The following PREX2 variants were observed in gnomAD, a reference collection of about 807,000 sequenced individuals.
PREX2 encodes the protein phosphatidylinositol 3,4,5-trisphosphate-dependent Rac exchanger 2 protein.
A neutral mutation model predicts 203.2 loss-of-function variants in PREX2; 107 were observed. That is an observed-to-expected ratio of 0.53 (90% confidence interval 0.45 to 0.62). The LOEUF is 0.62. PREX2 is among the 20% of genes least tolerant of loss of function. PREX2 has a pLI of 0.00. For synonymous variants in PREX2, 672 were observed against 663.6 expected, an observed-to-expected ratio of 1.01 and a Z score of -0.19; for missense variants, 1,777 against 1,955.9, an observed-to-expected ratio of 0.91 and a Z score of 1.72.
chr8:67,989,078 C>T (rs1435562829), intron 1 of PREX2, among the ~76,000 whole-genome samples: 1 of 151,868 alleles, frequency 6.6e-6, no homozygotes, highest in African/African-American at 2.4e-5. Context: ...GCTCTGGAGC[C>T]ATCTGAGTAT....
chr8:68,096,626 AT>A (rs1347248238), intron 21 of PREX2, among the ~76,000 whole-genome samples: 2 of 151,990 alleles, frequency 1.3e-5, no homozygotes, highest in African/African-American at 2.4e-5. Flanking sequence ...TTCTTTATGG[AT>A]TTTTTTCCTG....
chr8:68,167,806 G>C (rs1042374660), intron 35 of PREX2, among the ~76,000 whole-genome samples: 1 of 152,098 alleles, frequency 6.6e-6, no homozygotes, highest in African/African-American at 2.4e-5. Flanking sequence ...TAAAAGCTGA[G>C]CACTAGAATT....
intron 35 of PREX2, among the ~76,000 whole-genome samples, chr8:68,173,207 T>A (rs943813047): frequency 2.0e-5 from 3 of 152,196 alleles, no homozygotes; most frequent in Non-Finnish European, 2.9e-5. Context: ...TCTGTGGTAT[T>A]ATCATTTTAT....
intron 33 of PREX2, among the ~76,000 whole-genome samples, chr8:68,138,865 A>G (rs1447325952): frequency 6.6e-6 from 1 of 152,112 alleles, no homozygotes; most frequent in Non-Finnish European, 1.5e-5. Flanking sequence ...TTTCAAAAGT[A>G]TGAGTATCGT....
intron 14 of PREX2, among the ~76,000 whole-genome samples, chr8:68,076,614 A>G (rs1434764279): frequency 2.0e-5 from 3 of 151,578 alleles, no homozygotes; most frequent in East Asian, 3.9e-4. Flanking sequence ...GTGCTAAAAG[A>G]TAGGACTGGG....
chr8:68,120,335 G>A (rs374053636), intron 29 of PREX2, 49 bp downstream of exon 29: 2 of 1,285,128 alleles, frequency 1.6e-6, no homozygotes, highest in African/African-American at 1.5e-5. Context: ...AAAACAAGGT[G>A]GTAGACAATA....
chr8:68,062,633 T>C (rs1808891404), intron 11 of PREX2, among the ~76,000 whole-genome samples: 1 of 152,204 alleles, frequency 6.6e-6, no homozygotes, highest in Non-Finnish European at 1.5e-5. Context: ...TTCTAAGTGG[T>C]AGAGACAGAG....
intron 31 of PREX2, among the ~76,000 whole-genome samples, chr8:68,133,475 TATATATTAGAACATA>T (rs1811048539): frequency 1.3e-5 from 2 of 152,242 alleles, no homozygotes; most frequent in African/African-American, 4.8e-5. Context: ...TTCATATTCT[TATATATTAGAACATA>T]CTTATAGCTC....
At position 67,969,096 on chromosome 8, in the gene PREX2, C is replaced by G. The variant is rs1585662656; in HGVS notation, c.141+16561C>G. Among the ~76,000 whole-genome samples the G allele has an allele frequency of 2.6e-5, 4 of 152,314 alleles. No individual in the cohort carries two copies. In the Middle Eastern group the frequency reaches 0.014, roughly 518 times the overall value. On this transcript the variant is annotated intron_variant, in intron 1 of 39. Coordinates refer to ENST00000288368, the MANE Select transcript of PREX2 (RefSeq NM_024870.4). ...TGTCGTGTGGCTGGGGTCACCATGCCAGAGCCTGACCTGGAGGCCCTGAGT... is the reference window on the plus strand; with the variant it reads ...TGTCGTGTGGCTGGGGTCACCATGCGAGAGCCTGACCTGGAGGCCCTGAGT...
chr8:67,985,402 A>C (rs1806387781), intron 1 of PREX2, among the ~76,000 whole-genome samples: 1 of 152,166 alleles, frequency 6.6e-6, no homozygotes, highest in Admixed American at 6.5e-5. Flanking sequence ...TAATTTTAAC[A>C]CAAGCAGTTT....
At chr8:68,180,685 A>T (rs2129614423) in intron 35 of PREX2, among the ~76,000 whole-genome samples, 2 of 152,224 alleles carry the variant, frequency 1.3e-5, no homozygotes, top group South Asian at 4.1e-4. Context: ...GGAATAGAGA[A>T]TTTGAAGGAG....
chr8:68,038,700 C>T lies in PREX2; in HGVS notation c.839+408C>T, dbSNP rs766356374. On this transcript the variant is annotated intron_variant, in intron 7 of 39. Transcript: ENST00000288368. ...GTTCATGCCATGAGTCTTTCCTCTCCACTACCTTTCCCTCATCTCCCCTTT... is the reference window on the plus strand; with the variant it reads ...GTTCATGCCATGAGTCTTTCCTCTCTACTACCTTTCCCTCATCTCCCCTTT... Among the ~76,000 whole-genome samples, 6 of 152,192 alleles carry T rather than the reference C, an allele frequency of 3.9e-5. No individual in the cohort carries two copies. The South Asian group carries it at 1.2e-3, about 32-fold the overall frequency.
chr8:68,079,757 C>T (rs1054139647), intron 15 of PREX2, among the ~76,000 whole-genome samples: 2 of 152,076 alleles, frequency 1.3e-5, no homozygotes, highest in African/African-American at 4.8e-5. Context: ...AAAACATAAA[C>T]TTTATTTCAT....
intron 25 of PREX2, among the ~76,000 whole-genome samples, chr8:68,113,963 G>A (rs1810588796): frequency 6.6e-6 from 1 of 152,126 alleles, no homozygotes; most frequent in Non-Finnish European, 1.5e-5. Context: ...CAGGGTTCAA[G>A]CGATTCTCCT....
chr8:68,115,021 C>CTTTTTTTTTTTTTTTTTTTTTTT (rs5892137), intron 25 of PREX2, among the ~76,000 whole-genome samples: 41 of 86,840 alleles, frequency 4.7e-4, no homozygotes, highest in Non-Finnish European at 5.8e-4. Flanking sequence ...TCTTTTCTTT[C>CTTTTTTTTTTTTTTTTTTTTTTT]TTTTTTTTTT....
chr8:68,158,120 T>C (rs1811580051), intron 35 of PREX2, among the ~76,000 whole-genome samples: 1 of 136,068 alleles, frequency 7.3e-6, no homozygotes, highest in South Asian at 2.1e-4. Flanking sequence ...TGTGTATATA[T>C]ATGTATATAT....
At chr8:68,104,608 C>A (rs1366799677) in intron 23 of PREX2, among the ~76,000 whole-genome samples, 1 of 152,188 alleles carries the variant, frequency 6.6e-6, no homozygotes, top group South Asian at 2.1e-4. Context: ...AAACTTCCAA[C>A]CCTCTTACAC....
Position 67,952,287 on chromosome 8 carries a change from G to A in PREX2, c.-108G>A, listed in dbSNP as rs1805362390. The A allele has an allele frequency of 2.7e-5, 25 of 931,612 alleles. No homozygotes were observed. Among genetic ancestry groups the A allele is most frequent in the South Asian group, 2.5e-4 (7 of 27,944 alleles). 57.7% of individuals were successfully genotyped at this position (931,612 alleles called of 1,614,324 possible). On this transcript the variant is annotated 5_prime_UTR_variant, in exon 1 of 40. Transcript: ENST00000288368. ...AGTCTTCTGTCTCTCCTCGGAGTTG[G>A]CGGAGGCGGCAACTTTCCATTCTCG... is the stretch of plus-strand genomic sequence containing the variant.
In PREX2 at chr8:68,198,747, G is replaced by T. The variant is rs556540364; in HGVS notation, c.4604+6222G>T. Among the ~76,000 whole-genome samples the T allele has an allele frequency of 2.6e-5, 4 of 152,342 alleles. No homozygotes were observed. The South Asian group carries it at 8.3e-4, about 32-fold the overall frequency. Reference sequence around the variant, plus strand: ...GCAGAGTCTACCTGAAAGAATAAAGGATATGTGTAAGAAATTTCTAGTGAA... The same window carrying T: ...GCAGAGTCTACCTGAAAGAATAAAGTATATGTGTAAGAAATTTCTAGTGAA... On this transcript the variant is annotated intron_variant, in intron 37 of 39. Coordinates refer to ENST00000288368, the MANE Select transcript of PREX2 (RefSeq NM_024870.4).
Sources: allele counts gnomAD v4.1 joint callset (sites outside exome capture counted in the v4.1 genomes callset), GRCh38; gene constraint gnomAD v4.1.1; transcripts MANE v1.5; gene names NCBI Gene and HGNC (gene_info 2026-07-23, HGNC 2026-07-21).